Variants in LRRC4C observed in about 807,000 individuals in gnomAD.
LRRC4C encodes leucine-rich repeat-containing protein 4C.
LRRC4C carries 5 observed loss-of-function variants against 33.6 expected under a neutral mutation model. The ratio of observed to expected loss-of-function variants is 0.15; its 90% confidence interval spans 0.08 to 0.31. LRRC4C has a LOEUF of 0.31. Ranked by LOEUF, LRRC4C falls within the 10% of genes least tolerant of loss-of-function variation. LRRC4C has a pLI of 1.00. For missense variants in LRRC4C, 560 were observed against 796.7 expected, an observed-to-expected ratio of 0.70 and a Z score of 3.58; for synonymous variants, 329 against 302.0, an observed-to-expected ratio of 1.09 and a Z score of -0.93.
At chr11:40,927,579 T>C (rs1034343275) in intron 2 of LRRC4C, among the ~76,000 whole-genome samples, 1 of 152,164 alleles carries the variant, frequency 6.6e-6, no homozygotes, top group Non-Finnish European at 1.5e-5. Flanking sequence ...GTGCAAATTA[T>C]ATAAGTCAAT....
At chr11:40,188,238 A>C (rs901328129) in intron 5 of LRRC4C, among the ~76,000 whole-genome samples, 1 of 152,230 alleles carries the variant, frequency 6.6e-6, no homozygotes, top group Non-Finnish European at 1.5e-5. Flanking sequence ...CCAAGAGCAA[A>C]GTGAAATTCT....
At chr11:40,563,874 C>T (rs1478764792) in intron 3 of LRRC4C, among the ~76,000 whole-genome samples, 1 of 152,148 alleles carries the variant, frequency 6.6e-6, no homozygotes, top group Non-Finnish European at 1.5e-5. Flanking sequence ...ACTACAGAGC[C>T]CTCTGTCTCC....
chr11:40,685,372 T>TA (rs1435584400), intron 2 of LRRC4C, among the ~76,000 whole-genome samples: 1 of 151,972 alleles, frequency 6.6e-6, no homozygotes, highest in African/African-American at 2.4e-5. Context: ...TCAATTTTTT[T>TA]AATAAAAAGT....
chr11:40,183,953 A>C (rs6485187), intron 5 of LRRC4C, among the ~76,000 whole-genome samples: 50,003 of 152,112 alleles, frequency 0.33, 9,826 homozygotes, highest in African/African-American at 0.55. Flanking sequence ...AAAAGACAAT[A>C]ATATAAATCA....
In LRRC4C at chr11:40,832,103, C is replaced by T. The variant is rs556295055; in HGVS notation, c.-407+101532G>A. On this transcript the variant is annotated intron_variant, in intron 2 of 6. Coordinates refer to ENST00000528697, the MANE Select transcript of LRRC4C (RefSeq NM_001258419.2). ...TTAGTTGGCATAGCCCAGTTCACCC[C>T]CCAGGCTATATGGTATAACCTACTG... 6.6e-5 allele frequency among the ~76,000 whole-genome samples: 10 copies of T among 152,240 alleles called. 1 individual carries two copies. The South Asian group carries it at 2.1e-3, about 32-fold the overall frequency.
chr11:40,145,879 T>A (rs12789387), intron 5 of LRRC4C, among the ~76,000 whole-genome samples: 9,929 of 152,292 alleles, frequency 0.065, 476 homozygotes, highest in Middle Eastern at 0.14. Context: ...CAAAGCTCTA[T>A]GCTGGGCATA....
chr11:40,997,355 A>T, intron 1 of LRRC4C, among the ~76,000 whole-genome samples: 1 of 152,138 alleles, frequency 6.6e-6, no homozygotes, highest in East Asian at 1.9e-4. Context: ...GCACTTCTGA[A>T]GCCAAAGGAA....
chr11:40,286,353 C>T (rs751217162), intron 4 of LRRC4C, among the ~76,000 whole-genome samples: 1 of 152,094 alleles, frequency 6.6e-6, no homozygotes, highest in Non-Finnish European at 1.5e-5. Flanking sequence ...CTACTAGATA[C>T]TTGTAAACCC....
At chr11:41,049,490 A>G (rs964214286) in intron 1 of LRRC4C, among the ~76,000 whole-genome samples, 8 of 152,214 alleles carry the variant, frequency 5.3e-5, no homozygotes, top group African/African-American at 1.9e-4. Context: ...GATTTTTGAA[A>G]AGTTAATTTC....
At chr11:40,736,223 C>T (rs914685101) in intron 2 of LRRC4C, among the ~76,000 whole-genome samples, 1 of 151,846 alleles carries the variant, frequency 6.6e-6, no homozygotes, top group Non-Finnish European at 1.5e-5. Context: ...TCCATGTGTT[C>T]TCATTGTTCA....
rs34577485 is a variant in LRRC4C at position 41,184,815 on chromosome 11, CAAAAAAAA to C, written c.-495-251100_-495-251093del. Among the ~76,000 whole-genome samples the C allele has an allele frequency of 1.8e-5, 2 of 112,476 alleles. 1 individual carries two copies. The highest frequency in any genetic ancestry group is 3.6e-5 in the Non-Finnish European group (2 of 55,634). The allele number at this position is 112,476 out of a possible 152,430, so 73.8% of individuals were successfully genotyped here. On this transcript the variant is annotated intron_variant, in intron 1 of 6. Transcript: ENST00000528697. The stretch of plus-strand genomic sequence containing the variant: ...TGCATACCTGAGACTGGGCAATTTA[CAAAAAAAA>C]AAAAAAAAAAGGTTTAATGGACTTA...
chr11:40,246,226 A>G (rs2034638), intron 4 of LRRC4C, among the ~76,000 whole-genome samples: 113,167 of 151,738 alleles, frequency 0.75, 46,135 homozygotes, highest in East Asian at 0.96. Context: ...CACCTGCCTC[A>G]GCCTCCAAAA....
chr11:40,849,943 T>A (rs1953397735), intron 2 of LRRC4C, among the ~76,000 whole-genome samples: 1 of 151,628 alleles, frequency 6.6e-6, no homozygotes, highest in African/African-American at 2.4e-5. Flanking sequence ...TTCTGTATGC[T>A]TCATGAAGTT....
At chr11:40,854,055 C>A (rs1294807475) in intron 2 of LRRC4C, among the ~76,000 whole-genome samples, 1 of 152,104 alleles carries the variant, frequency 6.6e-6, no homozygotes. Flanking sequence ...AACCAGTAGG[C>A]GTCACAGAAA....
chr11:40,117,022 T>A (rs1272855933), intron 6 of LRRC4C, among the ~76,000 whole-genome samples: 1 of 152,204 alleles, frequency 6.6e-6, no homozygotes, highest in South Asian at 2.1e-4. Flanking sequence ...ACAACACTTC[T>A]CTGAAGTAGG....
intron 1 of LRRC4C, among the ~76,000 whole-genome samples, chr11:41,110,394 A>G (rs1941760656): frequency 6.6e-6 from 1 of 152,096 alleles, no homozygotes; most frequent in South Asian, 2.1e-4. Flanking sequence ...CTATAGATTT[A>G]TATATTCTTA....
chr11:40,640,025 A>C (rs1156640254), intron 3 of LRRC4C, among the ~76,000 whole-genome samples: 1 of 152,058 alleles, frequency 6.6e-6, no homozygotes, highest in Non-Finnish European at 1.5e-5. Context: ...AATCACTCTG[A>C]TTATATATTC....
intron 2 of LRRC4C, among the ~76,000 whole-genome samples, chr11:40,792,317 C>T (rs1461643105): frequency 2.0e-5 from 3 of 150,874 alleles, no homozygotes; most frequent in Admixed American, 1.3e-4. Flanking sequence ...GGTAGTGCTA[C>T]CAGTTTTGAA....
chr11:40,506,887 T>C (rs1209607519), intron 3 of LRRC4C, among the ~76,000 whole-genome samples: 1 of 152,064 alleles, frequency 6.6e-6, no homozygotes, highest in Non-Finnish European at 1.5e-5. Context: ...TATGAAGTTA[T>C]TTAGGATTAT....
Sources: allele counts gnomAD v4.1 joint callset (sites outside exome capture counted in the v4.1 genomes callset), GRCh38; gene constraint gnomAD v4.1.1; transcripts MANE v1.5; gene names NCBI Gene and HGNC (gene_info 2026-07-23, HGNC 2026-07-21).